The following CREB5 variants were observed in gnomAD, a reference collection of about 807,000 sequenced individuals.
The protein encoded by CREB5 is cyclic AMP-responsive element-binding protein 5.
A neutral mutation model predicts 57.1 loss-of-function variants in CREB5; 19 were observed. The ratio of observed to expected loss-of-function variants is 0.33; its 90% CI spans 0.23 to 0.49. The LOEUF is 0.49. Among genes scored for constraint, CREB5 ranks in the 20% least tolerant of loss-of-function variants. The pLI is 0.99. For synonymous variants in CREB5, 238 were observed against 238.3 expected (o/e 1.00, Z 0.01); for missense variants, 579 against 671.6 (o/e 0.86, Z 1.52).
In CREB5 at chr7:28,695,501, C is replaced by T. The variant is rs1042295724; in HGVS notation, c.465-23252C>T. ...TCTGGAAATCATTCAGGCAGCTGTG[C>T]AGAGACTCCTCCCTCTGGTCTGGAG... On this transcript the variant is annotated intron_variant, in intron 5 of 10. Transcript: ENST00000357727. Among the ~76,000 whole-genome samples, 6 of 152,302 alleles carry T rather than the reference C, an allele frequency of 3.9e-5. No homozygotes were observed. In the South Asian group the frequency reaches 1.2e-3, roughly 32 times the overall value.
At chr7:28,596,537 G>A (rs994137854) in intron 5 of CREB5, among the ~76,000 whole-genome samples, 6 of 152,162 alleles carry the variant, frequency 3.9e-5, no homozygotes, top group Non-Finnish European at 1.5e-5. Context: ...CACTAGAATT[G>A]TCTCTTCCTG....
At chr7:28,300,655 G>A (rs1025576578) in intron 1 of CREB5, among the ~76,000 whole-genome samples, 3 of 152,178 alleles carry the variant, frequency 2.0e-5, no homozygotes, top group Non-Finnish European at 2.9e-5. Flanking sequence ...AGTCTGTGCC[G>A]AAACTGGTTG....
chr7:28,553,184 T>C (rs1243479199), intron 4 of CREB5, among the ~76,000 whole-genome samples: 1 of 152,210 alleles, frequency 6.6e-6, no homozygotes, highest in Non-Finnish European at 1.5e-5. Context: ...AGGGACTCCC[T>C]ACTTTCTACC....
chr7:28,429,036 T>G (rs921962843), intron 1 of CREB5, among the ~76,000 whole-genome samples: 23 of 152,240 alleles, frequency 1.5e-4, no homozygotes, highest in African/African-American at 5.1e-4. Context: ...AAAAAAAAGT[T>G]TTTTTTTGAG....
intron 1 of CREB5, among the ~76,000 whole-genome samples, chr7:28,449,131 A>G (rs971041630): frequency 6.6e-6 from 1 of 152,162 alleles, no homozygotes; most frequent in African/African-American, 2.4e-5. Context: ...AAAGTATATC[A>G]TATGCCAAAG....
chr7:28,694,355 C>T (rs1801427455), intron 5 of CREB5, among the ~76,000 whole-genome samples: 1 of 152,086 alleles, frequency 6.6e-6, no homozygotes, highest in Non-Finnish European at 1.5e-5. Flanking sequence ...ATGCAGTGGC[C>T]TCTCTATAGC....
At chr7:28,373,431 T>A (rs555323351) in intron 1 of CREB5, among the ~76,000 whole-genome samples, 6 of 126,630 alleles carry the variant, frequency 4.7e-5, no homozygotes, top group African/African-American at 1.5e-4. Context: ...CTTCTTTTTC[T>A]TTTTTTCTTT....
chr7:28,818,192 C>T lies in CREB5; in HGVS notation c.1363+13C>T. On this transcript the variant is annotated intron_variant, in intron 10 of 10. Coordinates refer to ENST00000357727, the MANE Select transcript of CREB5 (RefSeq NM_182898.4). ...CAAGGATATCTAAGTAAGTCGCCGA[C>T]TTTTTCACTTTTCTTTAGTGTCCAA... 1.3e-6 allele frequency: 2 copies of T among 1,585,130 alleles called. No individual in the cohort carries two copies. The highest frequency in any genetic ancestry group is 1.7e-6 in the Non-Finnish European group (2 of 1,158,266).
intron 4 of CREB5, among the ~76,000 whole-genome samples, chr7:28,538,620 A>G (rs1794076787): frequency 1.3e-5 from 2 of 151,842 alleles, no homozygotes; most frequent in South Asian, 4.2e-4. Flanking sequence ...TTTATTTTTT[A>G]TAATTTCTAC....
intron 1 of CREB5, among the ~76,000 whole-genome samples, chr7:28,377,236 G>A (rs542352348): frequency 3.3e-5 from 5 of 152,276 alleles, no homozygotes; most frequent in African/African-American, 1.2e-4. Context: ...GCCACATGTG[G>A]CTGTATTGAG....
At chr7:28,411,574 G>A (rs1205930543), upstream of CREB5, among the ~76,000 whole-genome samples, 2 of 136,956 alleles carry the variant, frequency 1.5e-5, no homozygotes, top group Admixed American at 7.3e-5. Context: ...GGGGGTGGGG[G>A]CGTGAGGGAG....
intron 1 of CREB5, among the ~76,000 whole-genome samples, chr7:28,349,647 T>C (rs1241868412): frequency 6.6e-6 from 1 of 152,210 alleles, no homozygotes; most frequent in African/African-American, 2.4e-5. Flanking sequence ...TATAGACTTT[T>C]AACCTATGTC....
chr7:28,622,852 T>A (rs1430801961), intron 5 of CREB5, among the ~76,000 whole-genome samples: 1 of 151,916 alleles, frequency 6.6e-6, no homozygotes, highest in African/African-American at 2.4e-5. Context: ...GAGACCCCCA[T>A]CTCTATTTTT....
At chr7:28,680,327 C>T (rs770333341) in intron 5 of CREB5, among the ~76,000 whole-genome samples, 10 of 152,192 alleles carry the variant, frequency 6.6e-5, no homozygotes, top group Non-Finnish European at 2.9e-5. Context: ...CTCTCCCAAG[C>T]ATAACTGCTC....
At chr7:28,467,312 T>A (rs188851645) in intron 1 of CREB5, among the ~76,000 whole-genome samples, 3 of 152,172 alleles carry the variant, frequency 2.0e-5, no homozygotes, top group Non-Finnish European at 4.4e-5. Context: ...GGACTGGCCA[T>A]GCCATTATGC....
chr7:28,695,173 G>C (rs1801482860), intron 5 of CREB5, among the ~76,000 whole-genome samples: 2 of 152,334 alleles, frequency 1.3e-5, no homozygotes, highest in East Asian at 3.9e-4. Context: ...GCTGCAGTGA[G>C]TCATGATGGC....
intron 5 of CREB5, among the ~76,000 whole-genome samples, chr7:28,692,517 A>T (rs1468935665): frequency 1.3e-5 from 2 of 152,174 alleles, no homozygotes; most frequent in Non-Finnish European, 2.9e-5. Flanking sequence ...AAAGGCCTGG[A>T]TTCAATCACT....
intron 5 of CREB5, among the ~76,000 whole-genome samples, chr7:28,640,164 T>G (rs1460300699): frequency 6.6e-6 from 1 of 152,114 alleles, no homozygotes; most frequent in Non-Finnish European, 1.5e-5. Context: ...ATGGTGAAAC[T>G]CTAGATAATA....
At position 28,615,363 on chromosome 7, in the gene CREB5, A is replaced by G. The variant is rs142330965; in HGVS notation, c.464+44826A>G. ...CAGTTTCTTAGGCACAGGGATTGAG[A>G]TGATGCCATTGTCTCTGGGAGTCAG... is the stretch of plus-strand genomic sequence containing the variant. On this transcript the variant is annotated intron_variant, in intron 5 of 10. Transcript: ENST00000357727. 3.0e-3 allele frequency: 464 copies of G among 152,492 alleles called. 4 individuals carry two copies. The highest frequency in any genetic ancestry group is 9.7e-3 in the African/African-American group (403 of 41,582). The allele number at this position is 152,492 out of a possible 1,614,324, so 9.4% of individuals were successfully genotyped here.
Sources: allele counts gnomAD v4.1 joint callset (sites outside exome capture counted in the v4.1 genomes callset), GRCh38; gene constraint gnomAD v4.1.1; transcripts MANE v1.5; gene names NCBI Gene and HGNC (gene_info 2026-07-23, HGNC 2026-07-21).